The following ODF2 variants were observed in gnomAD, a reference collection of about 807,000 sequenced individuals.
ODF2 encodes the protein outer dense fiber of sperm tails 2.
ODF2 carries 47 observed loss-of-function variants against 110.2 expected under a neutral mutation model. The observed-to-expected ratio is 0.43, with a 90% CI of 0.34 to 0.54. The LOEUF is 0.54. ODF2 is among the 20% of genes least tolerant of loss of function. The probability of loss-of-function intolerance (pLI) is 0.03; values close to 1 mark genes in which losing one functional copy is unlikely to be tolerated. For synonymous variants in ODF2, 352 were observed against 397.7 expected, an observed-to-expected ratio of 0.89 and a Z score of 1.37; for missense variants, 812 against 1,054.5, an observed-to-expected ratio of 0.77 and a Z score of 3.19.
At chr9:128,497,446 A>AAAT (rs1554857542) in intron 18 of ODF2, 3 of 42,596 alleles carry the variant, frequency 7.0e-5, no homozygotes, top group Admixed American at 3.8e-4. Flanking sequence ...AAAAAAAAAA[A>AAAT]ATATATATAT....
chr9:128,499,603 T>G (rs1166032987), intron 20 of ODF2, among the ~76,000 whole-genome samples: 3 of 151,398 alleles, frequency 2.0e-5, no homozygotes, highest in Non-Finnish European at 4.4e-5. Flanking sequence ...ACTCACGTTT[T>G]GTTTTGTTTT....
intron 3 of ODF2, 129 bp from the exon 3 acceptor site, chr9:128,460,421 T>G: frequency 6.7e-7 from 1 of 1,481,590 alleles, no homozygotes; most frequent in East Asian, 2.4e-5. Context: ...TGCCAGTAGT[T>G]GGTAGCTGTC....
At chr9:128,482,106 T>C (rs1489861898) in intron 9 of ODF2, among the ~76,000 whole-genome samples, 1 of 152,212 alleles carries the variant, frequency 6.6e-6, no homozygotes, top group African/African-American at 2.4e-5. Context: ...GGAGGTTCCA[T>C]AGCCAGTTAA....
At chr9:128,456,558 G>T (rs1362541934) in intron 1 of ODF2, 2 of 1,526,986 alleles carry the variant, frequency 1.3e-6, no homozygotes, top group Non-Finnish European at 8.7e-7. Context: ...GGCAGAAACC[G>T]GTACCCTCCT....
At chr9:128,484,932 C>A (rs1477958806) in intron 12 of ODF2, 46 bp downstream of exon 12, 1 of 1,564,196 alleles carries the variant, frequency 6.4e-7, no homozygotes, top group Middle Eastern at 1.9e-4. Flanking sequence ...CTGAGGAGGG[C>A]TGGGTGATGG....
In ODF2 at chr9:128,492,979, C is replaced by T. The variant is rs75224030; in HGVS notation, c.1752+174C>T. ...TACCCTGTGCCTCTCTCTCCTTTGTCTCTTTCTTGTTTCCTCTCTTCTCTC... is the reference window on the plus strand; with the variant it reads ...TACCCTGTGCCTCTCTCTCCTTTGTTTCTTTCTTGTTTCCTCTCTTCTCTC... On this transcript the variant is annotated intron_variant, in intron 16 of 20. Transcript: ENST00000604420. Among the ~76,000 whole-genome samples the T allele has an allele frequency of 9.6e-3, 1,456 of 151,746 alleles. 31 individuals are homozygous for T. The highest frequency in any genetic ancestry group is 0.073 in the East Asian group (376 of 5,170).
At position 128,500,368 on chromosome 9, in the gene ODF2, G is replaced by A. The variant is rs956683663; in HGVS notation, c.*113G>A. On this transcript the variant is annotated 3_prime_UTR_variant, in exon 21 of 21. Coordinates refer to ENST00000604420, the Ensembl canonical transcript of ODF2. ...TCTCCCAGTGAAAAAATGGGTTCAG[G>A]GTCTTGTCCTTAGCTACTAGCTCTA... is the stretch of plus-strand genomic sequence containing the variant. 19 of 1,017,164 alleles carry A rather than the reference G, an allele frequency of 1.9e-5. No individual in the cohort carries two copies. In the Admixed American group the frequency reaches 4.1e-4, roughly 22 times the overall value. 63.0% of individuals were successfully genotyped at this position (1,017,164 alleles called of 1,614,324 possible).
At chr9:128,456,622 T>C (rs1834867918) in intron 1 of ODF2, 2 of 1,507,418 alleles carry the variant, frequency 1.3e-6, no homozygotes, top group Non-Finnish European at 1.8e-6. Context: ...TCTCCCTCGC[T>C]CTGCTGCCCG....
intron 5 of ODF2, among the ~76,000 whole-genome samples, chr9:128,470,408 A>T (rs192323031): frequency 2.6e-5 from 4 of 151,988 alleles, no homozygotes; most frequent in Admixed American, 6.6e-5. Flanking sequence ...AGGAGGGCAG[A>T]TCACTTGAGG....
At chr9:128,496,127 G>T in exon 18 of ODF2, 7 of 1,613,956 alleles carry the variant, frequency 4.3e-6, no homozygotes, top group Non-Finnish European at 5.1e-6. Context: ...GTCTGAAGGT[G>T]GATGAACTGG....
intron 14 of ODF2, among the ~76,000 whole-genome samples, chr9:128,489,006 CAAAA>C (rs531801376): frequency 1.3e-5 from 2 of 152,050 alleles, no homozygotes; most frequent in Non-Finnish European, 1.5e-5. Context: ...AACTCCGTCT[CAAAA>C]GAAAAGAAAA....
In ODF2 at chr9:128,497,464, T is replaced by A. The variant is rs1417740599; in HGVS notation, c.2013-949T>A. 25 of 97,542 alleles carry A rather than the reference T, an allele frequency of 2.6e-4. 1 individual carries two copies. Among genetic ancestry groups the A allele is most frequent in the Middle Eastern group, 5.6e-3 (1 of 180 alleles). 6.0% of individuals were successfully genotyped at this position (97,542 alleles called of 1,614,324 possible). On this transcript the variant is annotated intron_variant, in intron 18 of 20. Transcript: ENST00000604420. ...AAAAAAAAATATATATATATATATA[T>A]ATATATATATATATATATATATGTA...
chr9:128,466,079 C>T (rs1345775949), intron 4 of ODF2, among the ~76,000 whole-genome samples: 1 of 151,764 alleles, frequency 6.6e-6, no homozygotes, highest in Non-Finnish European at 1.5e-5. Flanking sequence ...GCGGAGGTTG[C>T]AGGGAGCCAA....
chr9:128,470,794 G>T (rs931956507), intron 5 of ODF2, among the ~76,000 whole-genome samples: 1 of 152,042 alleles, frequency 6.6e-6, no homozygotes, highest in Admixed American at 6.6e-5. Context: ...TCTACAAAAA[G>T]AAAATCAGCA....
chr9:128,457,309 C>G, exon 2 of ODF2: 2 of 1,608,840 alleles, frequency 1.2e-6, no homozygotes, highest in Non-Finnish European at 1.7e-6. Flanking sequence ...TGATGCCGGG[C>G]CCCTTGAGAG....
At position 128,494,932 on chromosome 9, in the gene ODF2, G is replaced by C; in HGVS notation, c.1911+264G>C. 1 of 1,064,114 alleles carries C rather than the reference G, an allele frequency of 9.4e-7. No individual in the cohort carries two copies. Among genetic ancestry groups the C allele is most frequent in the Non-Finnish European group, 1.3e-6 (1 of 763,606 alleles). The allele number at this position is 1,064,114 out of a possible 1,614,324, so 65.9% of individuals were successfully genotyped here. A position where few individuals can be genotyped will look rare whatever the true frequency, so the allele number is the denominator to read the frequency against. ...GCTGTTGCCCCCACCCAAGACTGCT[G>C]CCTCTGCCTGTGTGCTCCGCAGCTG... On this transcript the variant is annotated intron_variant, in intron 17 of 20. Transcript: ENST00000604420. The surrounding 1 kb of genome is among the most constrained non-coding windows in gnomAD (Gnocchi z 4.6).
chr9:128,490,141 C>A (rs1019595730), intron 14 of ODF2, among the ~76,000 whole-genome samples: 1 of 152,166 alleles, frequency 6.6e-6, no homozygotes, highest in Non-Finnish European at 1.5e-5. Flanking sequence ...CCAGCCTGGG[C>A]AACCCCAGCA....
upstream of ODF2, chr9:128,455,229 G>GT (rs1489949805): frequency 3.3e-6 from 5 of 1,535,292 alleles, no homozygotes; most frequent in African/African-American, 5.5e-5. Context: ...ATCAGAATAG[G>GT]TCTGTACACA....
Position 128,485,339 on chromosome 9 carries a change from C to T in ODF2, c.1291-26C>T. 7.8e-7 allele frequency: 1 copy of T among 1,289,414 alleles called. No homozygotes were observed. The highest frequency in any genetic ancestry group is 1.1e-6 in the Non-Finnish European group (1 of 891,836). The allele number at this position is 1,289,414 out of a possible 1,614,324, so 79.9% of individuals were successfully genotyped here. A position where few individuals can be genotyped will look rare whatever the true frequency, so the allele number is the denominator to read the frequency against. ...AGCCTCACCACTGACACTAGGCTAA[C>T]AGGCCCTTTTGTCCCGTGTTCCCAG... On this transcript the variant is annotated intron_variant, in intron 12 of 20. Transcript: ENST00000604420. This position sits in a 1 kb window ranked among gnomAD's most constrained non-coding sequence, Gnocchi z 5.0.
Sources: allele counts gnomAD v4.1 joint callset (sites outside exome capture counted in the v4.1 genomes callset), GRCh38; gene constraint gnomAD v4.1.1; non-coding constraint Gnocchi (gnomAD v3.1); transcripts MANE v1.5; gene names NCBI Gene and HGNC (gene_info 2026-07-23, HGNC 2026-07-21).